Variants in CHD9 observed in about 807,000 individuals in gnomAD.
The protein encoded by CHD9 is ATP-dependent chromatin remodeler CHD9.
A neutral mutation model predicts 316.1 loss-of-function variants in CHD9; 77 were observed. That is an observed-to-expected ratio of 0.24 (90% CI 0.20 to 0.29). The LOEUF is 0.29. Among genes scored for constraint, CHD9 ranks in the 10% least tolerant of loss-of-function variants. CHD9 has a pLI of 1.00. For synonymous variants in CHD9, 1,129 were observed against 1,158.3 expected (o/e 0.97, Z 0.51); for missense variants, 2,763 against 3,438.1 (o/e 0.80, Z 4.91).
At chr16:53,073,248 A>G (rs1483834547) in intron 1 of CHD9, among the ~76,000 whole-genome samples, 1 of 152,208 alleles carries the variant, frequency 6.6e-6, no homozygotes, top group South Asian at 2.1e-4. Context: ...GTTTTTGGTG[A>G]CTGGCTAATT....
At chr16:53,199,828 T>G (rs1343605738) in intron 2 of CHD9, among the ~76,000 whole-genome samples, 1 of 152,194 alleles carries the variant, frequency 6.6e-6, no homozygotes, top group Non-Finnish European at 1.5e-5. Context: ...AGGAAGTGCT[T>G]GAAATACGGT....
At chr16:53,122,823 CAGCCTCCCGAGT>C (rs1245040897) in intron 1 of CHD9, among the ~76,000 whole-genome samples, 1 of 152,028 alleles carries the variant, frequency 6.6e-6, no homozygotes, top group Non-Finnish European at 1.5e-5. Context: ...TCTCCTGCCT[CAGCCTCCCGAGT>C]AGCTGGGACT....
At chr16:53,231,005 G>C (rs2048125099) in intron 8 of CHD9, among the ~76,000 whole-genome samples, 1 of 152,218 alleles carries the variant, frequency 6.6e-6, no homozygotes, top group African/African-American at 2.4e-5. Context: ...AGGTACCTCA[G>C]TAAAGTTTGC....
At chr16:53,312,825 G>T (rs966012695) in intron 34 of CHD9, among the ~76,000 whole-genome samples, 7 of 152,152 alleles carry the variant, frequency 4.6e-5, no homozygotes, top group Admixed American at 3.9e-4. Context: ...TACACAGCTC[G>T]CCAGAAGGCA....
intron 2 of CHD9, among the ~76,000 whole-genome samples, chr16:53,203,955 C>T (rs962959783): frequency 1.5e-5 from 2 of 129,566 alleles, no homozygotes; most frequent in African/African-American, 5.8e-5. Flanking sequence ...ACCTGGGAGG[C>T]GGAGCTTGCA....
At chr16:53,072,647 A>AT (rs1295947686) in intron 1 of CHD9, among the ~76,000 whole-genome samples, 1 of 151,780 alleles carries the variant, frequency 6.6e-6, no homozygotes, top group Non-Finnish European at 1.5e-5. Flanking sequence ...AAATGCTGGG[A>AT]TTATAGGTAT....
At chr16:53,106,746 C>G (rs564301809) in intron 1 of CHD9, among the ~76,000 whole-genome samples, 2 of 152,020 alleles carry the variant, frequency 1.3e-5, no homozygotes, top group South Asian at 4.2e-4. Flanking sequence ...AATGGCCTAC[C>G]CTACATCTAT....
At chr16:53,081,919 C>T (rs2035051995) in intron 1 of CHD9, among the ~76,000 whole-genome samples, 1 of 152,082 alleles carries the variant, frequency 6.6e-6, no homozygotes, top group African/African-American at 2.4e-5. Context: ...TCAGTTTTCT[C>T]CTCTATAAAA....
intron 12 of CHD9, among the ~76,000 whole-genome samples, chr16:53,241,748 A>G (rs939349254): frequency 7.9e-5 from 12 of 152,158 alleles, no homozygotes; most frequent in African/African-American, 7.2e-5. Context: ...ATGAACTCCA[A>G]TGAAGATTTC....
rs1467756671 is a variant in CHD9 at position 53,321,569 on chromosome 16, T to A, written c.7757T>A (p.Phe2586Tyr). ...FAPPLKDLCRFLKENSEYGVA... is the reference protein window; with the variant it reads ...FAPPLKDLCRYLKENSEYGVA... The stretch of plus-strand genomic sequence containing the variant: ...CCCCCTTTGAAAGATTTATGTAGAT[T>A]CCTAAAAGAAAATTCAGAATATGGA... Residue 2586 changes from phenylalanine to tyrosine, a missense_variant, in exon 38 of 39, where the codon TTC (phenylalanine) becomes TAC (tyrosine). Phe to Tyr is a conservative substitution (Grantham distance 22, BLOSUM62 3). Coordinates refer to ENST00000447540, the MANE Select transcript of CHD9 (RefSeq NM_001308319.2). 1.3e-6 allele frequency: 2 copies of A among 1,554,726 alleles called. No homozygotes were observed. The highest frequency in any genetic ancestry group is 4.6e-5 in the East Asian group (2 of 43,338).
intron 3 of CHD9, among the ~76,000 whole-genome samples, chr16:53,220,462 C>T (rs1229056065): frequency 2.0e-5 from 3 of 152,206 alleles, no homozygotes; most frequent in Admixed American, 1.3e-4. Flanking sequence ...CACATTCCCA[C>T]AGCCCTAGAT....
chr16:53,164,323 C>T, intron 2 of CHD9, among the ~76,000 whole-genome samples: 1 of 152,116 alleles, frequency 6.6e-6, no homozygotes, highest in Non-Finnish European at 1.5e-5. Flanking sequence ...TCTGTAATCC[C>T]AGCACTTTGG....
At chr16:53,280,245 G>C (rs1287971748) in intron 24 of CHD9, among the ~76,000 whole-genome samples, 1 of 152,128 alleles carries the variant, frequency 6.6e-6, no homozygotes, top group African/African-American at 2.4e-5. Context: ...AGCACAGTTT[G>C]CAATTGCAAA....
intron 1 of CHD9, among the ~76,000 whole-genome samples, chr16:53,057,354 A>G (rs2032269722): frequency 1.3e-5 from 2 of 151,182 alleles, no homozygotes; most frequent in Non-Finnish European, 2.9e-5. Context: ...CTCATTTAAA[A>G]AAAAAAAGAG....
At chr16:53,204,867 A>G (rs1158029394) in intron 2 of CHD9, among the ~76,000 whole-genome samples, 1 of 152,110 alleles carries the variant, frequency 6.6e-6, no homozygotes, top group African/African-American at 2.4e-5. Context: ...GTTTTGAGAC[A>G]GAGTTTCGCT....
rs1236511462 is a variant in CHD9 at position 53,304,044 on chromosome 16, C to T, written c.6038C>T (p.Thr2013Ile). The T allele has an allele frequency of 2.5e-6, 4 of 1,613,988 alleles. No homozygotes were observed. The highest frequency in any genetic ancestry group is 1.7e-5 in the Admixed American group (1 of 60,030). The change falls in exon 31 of 39, where the codon ACC becomes ATC. Residue 2013 changes from threonine to isoleucine, a missense_variant. Coordinates refer to ENST00000447540, the MANE Select transcript of CHD9 (RefSeq NM_001308319.2). ...QSKMAHSRTS[T>I]PLLQQYQVAL... Reference sequence around the variant, plus strand: ...AAGATGGCTCATTCAAGGACTTCTACCCCACTTCTACAGCAATATCAAGTA... The same window carrying T: ...AAGATGGCTCATTCAAGGACTTCTATCCCACTTCTACAGCAATATCAAGTA...
intron 38 of CHD9, among the ~76,000 whole-genome samples, chr16:53,322,611 T>C (rs1183143310): frequency 1.3e-5 from 2 of 151,190 alleles, no homozygotes; most frequent in East Asian, 2.0e-4. Context: ...AAAAAACATA[T>C]CTTAGAAGAA....
intron 1 of CHD9, among the ~76,000 whole-genome samples, chr16:53,098,448 C>A (rs755809928): frequency 2.7e-5 from 4 of 146,692 alleles, no homozygotes; most frequent in Non-Finnish European, 6.0e-5. Context: ...CCCACTCCAG[C>A]CTGGGCAACA....
chr16:53,090,291 G>A (rs532905419), intron 1 of CHD9, among the ~76,000 whole-genome samples: 11 of 152,300 alleles, frequency 7.2e-5, no homozygotes, highest in South Asian at 4.1e-4. Flanking sequence ...CTTCCTGACC[G>A]AGCCTGGGAG....
Sources: gnomAD v4.1 joint callset for allele counts (sites outside exome capture counted in the v4.1 genomes callset) on GRCh38, gnomAD v4.1.1 for gene constraint, MANE v1.5 for transcripts, NCBI Gene and HGNC (gene_info 2026-07-23, HGNC 2026-07-21) for gene names.